The following IGSF22 variants were observed in gnomAD, a reference collection of about 807,000 sequenced individuals.
IGSF22 encodes the protein immunoglobulin superfamily, member 22.
A neutral mutation model predicts 127.0 loss-of-function variants in IGSF22; 119 were observed. That is an observed-to-expected ratio of 0.94 (90% CI 0.81 to 1.09). The LOEUF is 1.09. Among genes scored for constraint, IGSF22 ranks in the 50% least tolerant of loss-of-function variants. The pLI is 0.00. For synonymous variants in IGSF22, 568 were observed against 664.7 expected (o/e 0.85, Z 2.24); for missense variants, 1,518 against 1,716.6 (o/e 0.88, Z 2.04).
At chr11:18,719,609 T>G in intron 7 of IGSF22, 107 bp downstream of exon 7, 1 of 1,048,422 alleles carries the variant, frequency 9.5e-7, no homozygotes. Context: ...TGAGTATGTG[T>G]GTGCAGAACT....
rs1848250917 is a variant in IGSF22 at position 18,707,057 on chromosome 11, G to C, written c.3437C>G (p.Ala1146Gly). Residue 1146 changes from alanine (A) to glycine (G), a missense_variant, in exon 21 of 23, where the codon GCC becomes GGC. By Grantham distance (60) the Ala-to-Gly change is moderately conservative. Around this residue, in one of 3 missense-constraint regions of IGSF22, gnomAD observed 1,456 missense variants for 1,644.9 expected, o/e 0.89. Transcript: ENST00000513874. The part of the protein sequence containing the change: ...DASTATWYTA[A>G]ERVFSNKYTV... ...GTACTTGTTGCTGAAGACACGCTCG[G>C]CTGCCGTGTACCAGGTGGCTGTGCT... 1 of 1,551,600 alleles carries C rather than the reference G, an allele frequency of 6.4e-7. No individual in the cohort carries two copies.
chr11:18,708,576 G>C (rs1422214326), intron 18 of IGSF22, among the ~76,000 whole-genome samples: 2 of 152,172 alleles, frequency 1.3e-5, no homozygotes, highest in Non-Finnish European at 2.9e-5. Flanking sequence ...ATAACAGCGA[G>C]AAAATTATGA....
chr11:18,705,229 G>C (rs1848200732), intron 22 of IGSF22, among the ~76,000 whole-genome samples: 1 of 152,160 alleles, frequency 6.6e-6, no homozygotes, highest in African/African-American at 2.4e-5. Context: ...CAGAAAGCAA[G>C]GCAGGCCAGC....
intron 1 of IGSF22, among the ~76,000 whole-genome samples, chr11:18,724,740 A>G (rs530393190): frequency 3.3e-5 from 5 of 152,328 alleles, no homozygotes; most frequent in Admixed American, 1.3e-4. Context: ...ATGCTAAAAC[A>G]GATGACAAAA....
At chr11:18,705,626 G>A (rs1590432093) in intron 22 of IGSF22, 191 bp downstream of exon 22, 1 of 604,486 alleles carries the variant, frequency 1.7e-6, no homozygotes. Context: ...GTCTGCAGGG[G>A]CCAGGCATAT....
In IGSF22 at chr11:18,716,770, C is replaced by G. The variant is rs1214516676; in HGVS notation, c.1204G>C (p.Glu402Gln). The change falls in exon 10 of 23, where the codon GAG (glutamate) becomes CAG (glutamine). Residue 402 changes from glutamate to glutamine, a missense_variant. Physicochemically the swap from Glu to Gln is conservative, Grantham distance 29. Around this residue, in one of 3 missense-constraint regions of IGSF22, gnomAD observed 1,456 missense variants for 1,644.9 expected, o/e 0.89. Transcript: ENST00000513874. The surrounding 1 kb of genome is among the most constrained non-coding windows in gnomAD (Gnocchi z 4.5). ...GCCTTTTGTACCAGGTTCCCCGCCT[C>G]AGCAGAGAACTCGCCGCTGTCACTG... Reference protein sequence around the residue: ...RLSDSGEFSAEAGNLVQKAQL... With the variant: ...RLSDSGEFSAQAGNLVQKAQL... 1 of 1,614,248 alleles carries G rather than the reference C, an allele frequency of 6.2e-7. No individual in the cohort carries two copies. Among genetic ancestry groups the G allele is most frequent in the South Asian group, 1.1e-5 (1 of 91,086 alleles).
chr11:18,714,109 G>C lies in IGSF22; in HGVS notation c.1838C>G (p.Ala613Gly), dbSNP rs745775327. The C allele has an allele frequency of 3.1e-6, 5 of 1,614,078 alleles. No individual in the cohort carries two copies. In the Admixed American group the frequency reaches 6.7e-5, roughly 22 times the overall value. The change falls in exon 14 of 23, where the codon GCT becomes GGT. Residue 613 changes from alanine to glycine, a missense_variant. By Grantham distance (60) the Ala-to-Gly change is moderately conservative (BLOSUM62 0). This residue lies in a region of IGSF22 where 1,456 missense variants were observed against 1,644.9 expected (regional missense o/e 0.89). Coordinates refer to ENST00000513874, the MANE Select transcript of IGSF22 (RefSeq NM_173588.4). The stretch of plus-strand genomic sequence containing the variant: ...TACCTTCACAGTGATGGCGTGCGCA[G>C]CCAGTGCCTCCAGTACTGACGGGTC... ...TIDPSVLEALAAHAITVKVGH... is the reference protein window; with the variant it reads ...TIDPSVLEALGAHAITVKVGH...
intron 6 of IGSF22, 47 bp downstream of exon 6, chr11:18,720,017 C>A (rs1347884131): frequency 1.2e-6 from 2 of 1,612,918 alleles, no homozygotes; most frequent in East Asian, 4.5e-5. Flanking sequence ...AGGCTTTGGC[C>A]TGGATGAGGA....
At chr11:18,721,439 C>T in intron 4 of IGSF22, 96 bp downstream of exon 4, 1 of 1,536,334 alleles carries the variant, frequency 6.5e-7, no homozygotes, top group Non-Finnish European at 9.0e-7. Context: ...CTCGGGCCGC[C>T]GTTAAGGCTC....
chr11:18,717,930 C>T lies in IGSF22; in HGVS notation c.973+1G>A. 6.2e-7 allele frequency: 1 copy of T among 1,613,304 alleles called. No individual in the cohort carries two copies. Among genetic ancestry groups the T allele is most frequent in the Non-Finnish European group, 8.5e-7 (1 of 1,179,492 alleles). The stretch of plus-strand genomic sequence containing the variant: ...GTGCCCTTGCATGCCCCCACTCATA[C>T]CCAGCACTGTGAGCTCTGCACTCAT... On this transcript the variant is annotated splice_donor_variant, in intron 9 of 22. Transcript: ENST00000513874. LOFTEE classifies it high-confidence loss of function.
chr11:18,705,820 A>G lies in IGSF22; in HGVS notation c.3907T>C (p.Tyr1303His). ...CCGGACCCCGCGGCGCCCTCACCAT[A>G]GACGGTGAGCGTGCAGCTGCTGCGG... ...KDRSSCTLTVYDKDDKSVVAS... is the reference protein window; with the variant it reads ...KDRSSCTLTVHDKDDKSVVAS... Residue 1303 changes from tyrosine (Y) to histidine (H), a missense_variant, in exon 22 of 23, where the codon TAT (tyrosine) becomes CAT (histidine). Tyr to His is a moderately conservative substitution (Grantham distance 83, BLOSUM62 2). Transcript: ENST00000513874. The G allele has an allele frequency of 6.5e-7, 1 of 1,544,072 alleles. No homozygotes were observed. The highest frequency in any genetic ancestry group is 1.4e-5 in the African/African-American group (1 of 73,050).
chr11:18,717,119 T>A, intron 9 of IGSF22, 119 bp from the exon 10 acceptor site: 2 of 1,131,092 alleles, frequency 1.8e-6, no homozygotes, highest in Non-Finnish European at 2.5e-6. Context: ...GAAAGCACCC[T>A]GCCTTTGGTT....
At chr11:18,708,720 C>A (rs990618352) in intron 18 of IGSF22, among the ~76,000 whole-genome samples, 4 of 152,190 alleles carry the variant, frequency 2.6e-5, no homozygotes, top group African/African-American at 9.7e-5. Flanking sequence ...TAACAGTCTT[C>A]CCCCAAACTA....
intron 20 of IGSF22, 101 bp from the exon 21 acceptor site, chr11:18,707,314 A>G (rs1848260034): frequency 1.9e-6 from 2 of 1,068,014 alleles, no homozygotes; most frequent in South Asian, 1.8e-5. Context: ...AGATGGGGCA[A>G]GTCTCAGGCA....
intron 8 of IGSF22, 96 bp from the exon 9 acceptor site, chr11:18,718,189 C>T: frequency 9.0e-7 from 1 of 1,113,146 alleles, no homozygotes; most frequent in Non-Finnish European, 1.3e-6. Flanking sequence ...CTGGAGGGTG[C>T]ATGTCCAACC....
intron 7 of IGSF22, among the ~76,000 whole-genome samples, chr11:18,719,300 A>G (rs1475279353): frequency 2.1e-5 from 3 of 141,860 alleles, no homozygotes; most frequent in Non-Finnish European, 3.0e-5. Context: ...GTGTGCCACC[A>G]CACCCAGCGG....
chr11:18,712,183 A>G lies in IGSF22; in HGVS notation c.2297T>C (p.Val766Ala). The G allele has an allele frequency of 1.3e-6, 2 of 1,551,502 alleles. No homozygotes were observed. Among genetic ancestry groups the G allele is most frequent in the East Asian group, 4.9e-5 (2 of 40,884 alleles). ...GKVTNFSTNK[V>A]EEGKAYQFRI... ...GAACTGGTAGGCTTTTCCCTCTTCC[A>G]CCTTGTTGGTGGAGAAGTTGGTGAC... Residue 766 changes from valine to alanine, a missense_variant, in exon 15 of 23, where the codon GTG (valine) becomes GCG (alanine). Val to Ala is a moderately conservative substitution (Grantham distance 64). Coordinates refer to ENST00000513874, the MANE Select transcript of IGSF22 (RefSeq NM_173588.4).
At chr11:18,718,544 A>T in intron 8 of IGSF22, 71 bp downstream of exon 8, 2 of 880,220 alleles carry the variant, frequency 2.3e-6, no homozygotes, top group Non-Finnish European at 3.9e-6. Flanking sequence ...GCTATGGCTT[A>T]TATACAGTGA....
At position 18,707,000 on chromosome 11, in the gene IGSF22, T is replaced by C. The variant is rs369995667; in HGVS notation, c.3494A>G (p.Tyr1165Cys). ...TVTGLLPGRK[Y>C]YFRVVARNEI... ...ATTCCGAGCCACCACTCTGAAGTAG[T>C]ACTTCCTGCCTGGGAGCAGCCCCGT... is the stretch of plus-strand genomic sequence containing the variant. The change falls in exon 21 of 23, where the codon TAC (tyrosine) becomes TGC (cysteine). Residue 1165 changes from tyrosine to cysteine, a missense_variant. This residue lies in a region of IGSF22 where 1,456 missense variants were observed against 1,644.9 expected (regional missense o/e 0.89). Transcript: ENST00000513874. 91 of 1,551,032 alleles carry C rather than the reference T, an allele frequency of 5.9e-5. No individual in the cohort carries two copies. The highest frequency in any genetic ancestry group is 1.6e-4 in the Admixed American group (8 of 50,940).
Sources: gnomAD v4.1 joint callset for allele counts (sites outside exome capture counted in the v4.1 genomes callset) on GRCh38, gnomAD v4.1.1 for gene constraint, gnomAD v4.1.1 regional missense constraint, Gnocchi (gnomAD v3.1) non-coding constraint, MANE v1.5 for transcripts, NCBI Gene and HGNC (gene_info 2026-07-23, HGNC 2026-07-21) for gene names.